Variants in ZFHX3 observed in about 807,000 individuals in gnomAD.
The protein encoded by ZFHX3 is zinc finger homeobox 3, also known as zinc finger homeobox protein 3.
Under a neutral mutation model 279.1 loss-of-function variants are expected in ZFHX3, and 42 were observed. The observed-to-expected ratio is 0.15, with a 90% CI of 0.12 to 0.19. The LOEUF is 0.19. ZFHX3 is among the 10% of genes least tolerant of loss of function. The pLI is 1.00. For synonymous variants in ZFHX3, 2,293 were observed against 1,957.8 expected, an observed-to-expected ratio of 1.17 and a Z score of -4.52; for missense variants, 4,981 against 4,754.0, an observed-to-expected ratio of 1.05 and a Z score of -1.40.
At chr16:73,227,848 C>CAAAAAAAAAAAAAAAA (rs398029895) in intron 5 of ZFHX3, among the ~76,000 whole-genome samples, 4 of 46,062 alleles carry the variant, frequency 8.7e-5, no homozygotes, top group African/African-American at 3.2e-4. Context: ...GATTCTGTCT[C>CAAAAAAAAAAAAAAAA]AAAAAAAAAA....
intron 2 of ZFHX3, chr16:73,487,564 C>T (rs143603268): frequency 3.1e-6 from 1 of 317,748 alleles, no homozygotes; most frequent in African/African-American, 2.2e-5. Context: ...CCATGCCCAG[C>T]TAATTTTTTA....
intron 5 of ZFHX3, among the ~76,000 whole-genome samples, chr16:73,160,791 T>C (rs554704402): frequency 6.6e-6 from 1 of 150,802 alleles, no homozygotes; most frequent in Non-Finnish European, 1.5e-5. Flanking sequence ...TTTTTTTTTT[T>C]AGACAGGATT....
chr16:73,528,514 G>A (rs1000763167), intron 2 of ZFHX3, among the ~76,000 whole-genome samples: 1 of 152,196 alleles, frequency 6.6e-6, no homozygotes, highest in Admixed American at 6.5e-5. Context: ...TCCCAGCAGG[G>A]AAATTAATGC....
intron 4 of ZFHX3, among the ~76,000 whole-genome samples, chr16:72,845,643 G>A (rs1049717415): frequency 2.0e-5 from 3 of 152,202 alleles, no homozygotes; most frequent in East Asian, 1.9e-4. Context: ...TGTTCTGACC[G>A]CAAAGCATCT....
chr16:73,597,811 A>G (rs943841835), intron 2 of ZFHX3, among the ~76,000 whole-genome samples: 3 of 152,254 alleles, frequency 2.0e-5, no homozygotes, highest in Non-Finnish European at 4.4e-5. Context: ...ATTGCTTTAA[A>G]TCACATAGTT....
intron 5 of ZFHX3, among the ~76,000 whole-genome samples, chr16:73,151,789 G>A (rs568150683): frequency 4.5e-4 from 69 of 151,722 alleles, no homozygotes; most frequent in African/African-American, 1.6e-3. Context: ...AAGAATTCAC[G>A]TGATAACACT....
At chr16:73,030,550 T>C (rs1289444804) in intron 1 of ZFHX3, among the ~76,000 whole-genome samples, 1 of 152,080 alleles carries the variant, frequency 6.6e-6, no homozygotes, top group Non-Finnish European at 1.5e-5. Context: ...ATTGGCAAAG[T>C]GTCTACAGCT....
chr16:73,691,524 G>A (rs981237751), intron 1 of ZFHX3, among the ~76,000 whole-genome samples: 6 of 152,120 alleles, frequency 3.9e-5, no homozygotes, highest in African/African-American at 9.7e-5. Context: ...GAGAACTTCC[G>A]TATTCAAAAT....
intron 2 of ZFHX3, among the ~76,000 whole-genome samples, chr16:72,953,593 C>T (rs960095188): frequency 6.6e-6 from 1 of 151,824 alleles, no homozygotes; most frequent in Non-Finnish European, 1.5e-5. Context: ...CCAGTTTCCA[C>T]TTTAAGCTCT....
intron 8 of ZFHX3, among the ~76,000 whole-genome samples, chr16:73,090,751 CA>C (rs1244492023): frequency 6.7e-6 from 1 of 148,596 alleles, no homozygotes; most frequent in African/African-American, 2.5e-5. Context: ...AAACAAAAAA[CA>C]TACAAAACAT....
intron 4 of ZFHX3, among the ~76,000 whole-genome samples, chr16:72,882,233 T>C (rs1395149096): frequency 6.8e-6 from 1 of 147,568 alleles, no homozygotes; most frequent in Admixed American, 6.9e-5. Context: ...GTGGCCACAG[T>C]ATCAATGCTT....
chr16:73,003,603 G>T (rs1963584132), intron 1 of ZFHX3, among the ~76,000 whole-genome samples: 1 of 151,376 alleles, frequency 6.6e-6, no homozygotes, highest in Admixed American at 6.6e-5. Flanking sequence ...CTACTCAGGA[G>T]GCTAAGGCAG....
chr16:73,290,004 G>C, intron 4 of ZFHX3, among the ~76,000 whole-genome samples: 1 of 133,506 alleles, frequency 7.5e-6, no homozygotes, highest in East Asian at 2.3e-4. Context: ...GTATTAATTA[G>C]AGAGAAATAA....
At chr16:73,413,735 A>T (rs1401927366) in intron 3 of ZFHX3, among the ~76,000 whole-genome samples, 3 of 152,188 alleles carry the variant, frequency 2.0e-5, no homozygotes, top group East Asian at 1.9e-4. Flanking sequence ...AAGTATTTGC[A>T]TACCTAGGGG....
At chr16:73,490,071 A>T (rs2019034088) in intron 2 of ZFHX3, among the ~76,000 whole-genome samples, 1 of 152,270 alleles carries the variant, frequency 6.6e-6, no homozygotes, top group South Asian at 2.1e-4. Context: ...ACAAAATTCC[A>T]TTGCAGCTAT....
At chr16:73,858,757 T>A (rs1430026603) in intron 1 of ZFHX3, among the ~76,000 whole-genome samples, 1 of 152,082 alleles carries the variant, frequency 6.6e-6, no homozygotes, top group Non-Finnish European at 1.5e-5. Flanking sequence ...TGCAGTGTGG[T>A]TTTAATACGG....
At chr16:73,211,741 G>C (rs1185766528) in intron 5 of ZFHX3, among the ~76,000 whole-genome samples, 1 of 151,464 alleles carries the variant, frequency 6.6e-6, no homozygotes, top group Non-Finnish European at 1.5e-5. Flanking sequence ...TATTTAAATA[G>C]ATTTATTCCT....
intron 4 of ZFHX3, among the ~76,000 whole-genome samples, chr16:72,859,020 G>A (rs375810331): frequency 2.0e-5 from 3 of 152,206 alleles, no homozygotes; most frequent in African/African-American, 2.4e-5. Context: ...TGGCCAGCAC[G>A]GGGTATTCCC....
upstream of ZFHX3, among the ~76,000 whole-genome samples, chr16:73,064,648 G>A (rs1341861690): frequency 2.6e-5 from 4 of 152,056 alleles, no homozygotes; most frequent in Admixed American, 1.3e-4. Flanking sequence ...TAAAGAATGA[G>A]CCCCAAACTT....
Sources: gnomAD v4.1 joint callset for allele counts (sites outside exome capture counted in the v4.1 genomes callset) on GRCh38, gnomAD v4.1.1 for gene constraint, MANE v1.5 for transcripts, NCBI Gene and HGNC (gene_info 2026-07-23, HGNC 2026-07-21) for gene names.